The following SEPTIN7 variants were observed in gnomAD, a reference collection of about 807,000 sequenced individuals.
The protein encoded by SEPTIN7 is septin 7.
In SEPTIN7, 10 loss-of-function variants were observed where a neutral mutation model predicts 63.3. The observed-to-expected ratio is 0.16, with a 90% CI of 0.10 to 0.27. SEPTIN7 has a LOEUF of 0.27. Ranked by LOEUF, SEPTIN7 falls within the 10% of genes least tolerant of loss-of-function variation. The pLI is 1.00. For synonymous variants in SEPTIN7, 131 were observed against 165.3 expected, an observed-to-expected ratio of 0.79 and a Z score of 1.59; for missense variants, 310 against 521.0, an observed-to-expected ratio of 0.59 and a Z score of 3.94.
the SEPTIN7 span, among the ~76,000 whole-genome samples, chr7:35,915,461 G>A: frequency 6.6e-6 from 1 of 152,194 alleles, no homozygotes; most frequent in East Asian, 1.9e-4. Context: ...TTTTGCTGCA[G>A]GCACTGACCA....
intron 10 of SEPTIN7, chr7:35,890,398 G>A (rs949935781): frequency 5.0e-6 from 1 of 200,440 alleles, no homozygotes; most frequent in African/African-American, 2.3e-5. Context: ...TTCATAGAAA[G>A]GTCATCCTTC....
chr7:35,848,036 C>T (rs1184725545), intron 3 of SEPTIN7: 1 of 152,178 alleles, frequency 6.6e-6, no homozygotes, highest in African/African-American at 2.4e-5. Context: ...TGATATTTCT[C>T]CTTTACTTAC....
At chr7:35,802,767 T>G (rs1436493182) in intron 1 of SEPTIN7, among the ~76,000 whole-genome samples, 2 of 152,082 alleles carry the variant, frequency 1.3e-5, no homozygotes, top group East Asian at 3.9e-4. Context: ...ATTCTTTATT[T>G]CTTCAGACTG....
intron 6 of SEPTIN7, among the ~76,000 whole-genome samples, chr7:35,879,104 A>G (rs1173984415): frequency 2.6e-5 from 4 of 152,210 alleles, no homozygotes; most frequent in African/African-American, 9.6e-5. Flanking sequence ...GCACCATGAT[A>G]GAAGTATTTA....
chr7:35,898,984 A>C (rs1345652760), intron 12 of SEPTIN7: 1 of 152,230 alleles, frequency 6.6e-6, no homozygotes, highest in South Asian at 2.1e-4. Flanking sequence ...CCCAGAAGAC[A>C]TACCTACTAT....
chr7:35,857,621 A>G (rs1432603564), intron 3 of SEPTIN7, among the ~76,000 whole-genome samples: 1 of 152,236 alleles, frequency 6.6e-6, no homozygotes, highest in Non-Finnish European at 1.5e-5. Flanking sequence ...TATGTTAAAT[A>G]TCTCATAGCT....
the SEPTIN7 span, among the ~76,000 whole-genome samples, chr7:35,912,703 G>C: frequency 6.6e-6 from 1 of 152,214 alleles, no homozygotes; most frequent in East Asian, 1.9e-4. Flanking sequence ...AAGAGACACA[G>C]GTACTAGCAA....
intron 10 of SEPTIN7, chr7:35,888,843 A>C: frequency 2.6e-6 from 1 of 387,038 alleles, no homozygotes; most frequent in Non-Finnish European, 5.1e-6. Flanking sequence ...AAAAAAAAAA[A>C]AACGGAAAAG....
At chr7:35,804,846 T>G (rs1258631929) in intron 1 of SEPTIN7, among the ~76,000 whole-genome samples, 13 of 149,696 alleles carry the variant, frequency 8.7e-5, no homozygotes, top group Admixed American at 8.6e-4. Flanking sequence ...TTTTTTTTTT[T>G]TTTTTTTGAG....
At chr7:35,910,602 T>C (rs1429212410), downstream of SEPTIN7, among the ~76,000 whole-genome samples, 1 of 152,246 alleles carries the variant, frequency 6.6e-6, no homozygotes, top group Non-Finnish European at 1.5e-5. Flanking sequence ...ATTAATGTGA[T>C]TTCTGATTCT....
intron 6 of SEPTIN7, among the ~76,000 whole-genome samples, chr7:35,878,563 A>G (rs1583609612): frequency 6.6e-6 from 1 of 152,226 alleles, no homozygotes; most frequent in African/African-American, 2.4e-5. Flanking sequence ...CTCTGACTTC[A>G]GTATGGATGA....
intron 1 of SEPTIN7, among the ~76,000 whole-genome samples, chr7:35,829,577 C>T (rs184871261): frequency 6.6e-6 from 1 of 152,246 alleles, no homozygotes; most frequent in East Asian, 1.9e-4. Flanking sequence ...TTTTGTTATA[C>T]CTCTTATCTG....
chr7:35,865,573 C>T (rs982902368), intron 4 of SEPTIN7, among the ~76,000 whole-genome samples: 1 of 151,640 alleles, frequency 6.6e-6, no homozygotes, highest in Non-Finnish European at 1.5e-5. Flanking sequence ...CTAATAGGAA[C>T]ATTCTTGTGT....
At chr7:35,839,844 C>T (rs889788487) in intron 3 of SEPTIN7, among the ~76,000 whole-genome samples, 1 of 152,100 alleles carries the variant, frequency 6.6e-6, no homozygotes, top group Non-Finnish European at 1.5e-5. Context: ...TGAGCCATTG[C>T]GCCTGACCTG....
chr7:35,827,481 G>A (rs1204924630), intron 1 of SEPTIN7, among the ~76,000 whole-genome samples: 2 of 152,006 alleles, frequency 1.3e-5, no homozygotes, highest in African/African-American at 2.4e-5. Flanking sequence ...TGTTTTAATC[G>A]ACCAGTATTA....
intron 1 of SEPTIN7, among the ~76,000 whole-genome samples, chr7:35,824,933 G>C (rs917660492): frequency 3.3e-5 from 5 of 152,020 alleles, no homozygotes; most frequent in Non-Finnish European, 7.4e-5. Flanking sequence ...TACACTTACA[G>C]CACATCTTAA....
At chr7:35,869,317 T>C (rs1365257915) in intron 4 of SEPTIN7, among the ~76,000 whole-genome samples, 1 of 152,186 alleles carries the variant, frequency 6.6e-6, no homozygotes, top group Admixed American at 6.5e-5. Flanking sequence ...AGCATAACTG[T>C]TTTACTATTG....
intron 1 of SEPTIN7, among the ~76,000 whole-genome samples, chr7:35,815,412 C>G (rs1185212320): frequency 6.6e-6 from 1 of 152,126 alleles, no homozygotes; most frequent in Non-Finnish European, 1.5e-5. Context: ...TACTAAAAAC[C>G]ATGAATTTAT....
At position 35,865,400 on chromosome 7, in the gene SEPTIN7, CTT is replaced by C. The variant is rs1346178444; in HGVS notation, c.276+1747_276+1748del. Among the ~76,000 whole-genome samples, 4 of 152,114 alleles carry C rather than the reference CTT, an allele frequency of 2.6e-5. No homozygotes were observed. The East Asian group carries it at 7.7e-4, about 29-fold the overall frequency. On this transcript the variant is annotated intron_variant, in intron 4 of 13. Transcript: ENST00000350320. Reference sequence around the variant, plus strand: ...TGTTCTTGAATGTTACATACATATACTTTTTTATATCTGTTTTCTTTCAGTGA... The same window carrying C: ...TGTTCTTGAATGTTACATACATATACTTTTATATCTGTTTTCTTTCAGTGA...
Sources: allele counts gnomAD v4.1 joint callset (sites outside exome capture counted in the v4.1 genomes callset), GRCh38; gene constraint gnomAD v4.1.1; transcripts MANE v1.5; gene names NCBI Gene and HGNC (gene_info 2026-07-23, HGNC 2026-07-21).